The following ZNF320 variants were observed in gnomAD, a reference collection of about 807,000 sequenced individuals.
The protein encoded by ZNF320 is zinc finger gene 320.
ZNF320 carries 2 observed loss-of-function variants against 6.8 expected under a neutral mutation model. The ratio of observed to expected loss-of-function variants is 0.29; its 90% CI spans 0.12 to 0.93. The LOEUF (loss-of-function observed/expected upper bound fraction) is 0.93. ZNF320 is among the 40% of genes least tolerant of loss of function. ZNF320 has a pLI of 0.55. For missense variants in ZNF320, 472 were observed against 611.0 expected (o/e 0.77, Z 2.40); for synonymous variants, 208 against 203.2 (o/e 1.02, Z -0.20).
chr19:52,881,270 A>T lies in ZNF320; in HGVS notation c.856T>A (p.Ser286Thr). Residue 286 changes from serine (S) to threonine (T), a missense_variant, in exon 6 of 6, where the codon TCA becomes ACA. Physicochemically the swap from Ser to Thr is moderately conservative, Grantham distance 58 (BLOSUM62 1). Around this residue, in one of 2 missense-constraint regions of ZNF320, gnomAD observed 462 missense variants for 559.7 expected, o/e 0.83. Coordinates refer to ENST00000682928, the MANE Select transcript of ZNF320 (RefSeq NM_001351774.2). The stretch of plus-strand genomic sequence containing the variant: ...ACTGCCTTATGAATTACGAGGACTG[A>T]ATTTCGAGCGAAGGTCTTGCCACAC... ...NECGKTFARN[S>T]VLVIHKAVHT... The T allele has an allele frequency of 1.2e-6, 2 of 1,614,110 alleles. No individual in the cohort carries two copies. Among genetic ancestry groups the T allele is most frequent in the Non-Finnish European group, 1.7e-6 (2 of 1,180,016 alleles).
At chr19:52,859,581 T>C (rs1452582525), downstream of ZNF320, among the ~76,000 whole-genome samples, 2 of 152,292 alleles carry the variant, frequency 1.3e-5, no homozygotes, top group East Asian at 3.9e-4. Context: ...CGTGTTCCCA[T>C]GTAGAGATGT....
chr19:52,885,132 G>C (rs1013500994), intron 5 of ZNF320, among the ~76,000 whole-genome samples: 2 of 152,110 alleles, frequency 1.3e-5, no homozygotes, highest in African/African-American at 4.8e-5. Context: ...AATTTGGGAA[G>C]TGGAGGTTGC....
In ZNF320 at chr19:52,888,213, T is replaced by C. The variant is rs755364715; in HGVS notation, c.56A>G (p.Gln19Arg). ...AGGGTCCAGGCATTTCCACTCCTCCTGAGAGAATTCTATGGCCACATCCCT... is the reference window on the plus strand; with the variant it reads ...AGGGTCCAGGCATTTCCACTCCTCCCGAGAGAATTCTATGGCCACATCCCT... ...TFRDVAIEFSQEEWKCLDPAQ... is the reference protein window; with the variant it reads ...TFRDVAIEFSREEWKCLDPAQ... The change falls in exon 5 of 6, where the codon CAG becomes CGG. Residue 19 changes from glutamine (Q) to arginine (R), a missense_variant. Physicochemically the swap from Gln to Arg is conservative, Grantham distance 43. Transcript: ENST00000682928. The C allele has an allele frequency of 7.1e-7, 1 of 1,410,922 alleles. No homozygotes were observed. The highest frequency in any genetic ancestry group is 9.6e-7 in the Non-Finnish European group (1 of 1,038,550). 87.4% of individuals were successfully genotyped at this position (1,410,922 alleles called of 1,614,324 possible).
chr19:52,882,091 A>G lies in ZNF320; in HGVS notation c.143-108T>C, dbSNP rs1462663031. 5.2e-6 allele frequency: 6 copies of G among 1,146,976 alleles called. No individual in the cohort carries two copies. In the South Asian group the frequency reaches 9.4e-5, roughly 18 times the overall value. The allele number at this position is 1,146,976 out of a possible 1,614,324, so 71.0% of individuals were successfully genotyped here. ...AAAAATACTTATTTTAAACTTCCCA[A>G]ACATGAGCTTCAAAGTTTAGGAACA... On this transcript the variant is annotated intron_variant, in intron 5 of 5. Coordinates refer to ENST00000682928, the MANE Select transcript of ZNF320 (RefSeq NM_001351774.2).
At chr19:52,898,927 C>T (rs952256580), upstream of ZNF320, among the ~76,000 whole-genome samples, 1 of 152,222 alleles carries the variant, frequency 6.6e-6, no homozygotes, top group African/African-American at 2.4e-5. Flanking sequence ...TTTGGTTTTA[C>T]TTTCTTGTTG....
upstream of ZNF320, among the ~76,000 whole-genome samples, chr19:52,902,377 C>A (rs1354985488): frequency 1.3e-5 from 2 of 152,236 alleles, no homozygotes; most frequent in Non-Finnish European, 2.9e-5. Context: ...ACCTGGTCAA[C>A]TACAGGACCA....
At chr19:52,866,853 T>G (rs2063581692) in intron 5 of ZNF320, among the ~76,000 whole-genome samples, 1 of 136,222 alleles carries the variant, frequency 7.3e-6, no homozygotes, top group Non-Finnish European at 1.5e-5. Flanking sequence ...GTGAGACACC[T>G]GTCTCACAAA....
upstream of ZNF320, among the ~76,000 whole-genome samples, chr19:52,898,163 A>G (rs1432901222): frequency 6.6e-6 from 1 of 152,200 alleles, no homozygotes; most frequent in Admixed American, 6.5e-5. Flanking sequence ...TTTCCTGCTG[A>G]CGGCCCACAG....
downstream of ZNF320, among the ~76,000 whole-genome samples, chr19:52,871,540 C>T (rs566583785): frequency 1.3e-5 from 2 of 152,040 alleles, no homozygotes; most frequent in Non-Finnish European, 2.9e-5. Flanking sequence ...ATTCCAAAAC[C>T]ATCTTGTATA....
At chr19:52,862,057 C>G (rs929541678) in exon 6 of ZNF320, 1 of 362,552 alleles carries the variant, frequency 2.8e-6, no homozygotes, top group Admixed American at 3.7e-5. Context: ...AAGTTATGAA[C>G]GATGTCTGAA....
chr19:52,888,073 A>G (rs1196163460), intron 5 of ZNF320, 54 bp downstream of exon 5: 9 of 1,603,480 alleles, frequency 5.6e-6, no homozygotes, highest in African/African-American at 5.4e-5. Flanking sequence ...AACAAGAGAA[A>G]ATACAAAGAT....
At chr19:52,867,203 T>C (rs1403969960) in intron 5 of ZNF320, among the ~76,000 whole-genome samples, 1 of 152,098 alleles carries the variant, frequency 6.6e-6, no homozygotes, top group Non-Finnish European at 1.5e-5. Flanking sequence ...TATTTATTTA[T>C]GTATTTATTT....
At chr19:52,866,839 C>A (rs1379974801) in intron 5 of ZNF320, among the ~76,000 whole-genome samples, 1 of 130,222 alleles carries the variant, frequency 7.7e-6, no homozygotes, top group Admixed American at 9.8e-5. Flanking sequence ...AGCCTGTTGA[C>A]AGGGTGAGAC....
downstream of ZNF320, among the ~76,000 whole-genome samples, chr19:52,860,266 C>G (rs2063479950): frequency 6.6e-6 from 1 of 152,088 alleles, no homozygotes; most frequent in African/African-American, 2.4e-5. Flanking sequence ...ACCTGCCGGT[C>G]TGCTGACAGT....
At position 52,880,791 on chromosome 19, in the gene ZNF320, A is replaced by G; in HGVS notation, c.1335T>C (p.Asp445=). The change falls in exon 6 of 6, where the codon GAT becomes GAC. Residue 445 remains aspartate (D), a synonymous_variant. Coordinates refer to ENST00000682928, the MANE Select transcript of ZNF320 (RefSeq NM_001351774.2). Reference sequence around the variant, plus strand: ...AAGGTGAATTAAAGGCTTTACCACAATCACCACACTTGTGAGGTTTCTCTC... The same window carrying G: ...AAGGTGAATTAAAGGCTTTACCACAGTCACCACACTTGTGAGGTTTCTCTC... ...HTGEKPHKCG[D]CGKAFNSPSH... is the part of the protein sequence containing the mutation. The G allele has an allele frequency of 6.2e-7, 1 of 1,613,926 alleles. No individual in the cohort carries two copies. The highest frequency in any genetic ancestry group is 8.5e-7 in the Non-Finnish European group (1 of 1,179,842).
chr19:52,892,898 A>C (rs112591593), intron 2 of ZNF320, among the ~76,000 whole-genome samples: 22,839 of 148,260 alleles, frequency 0.15, 1,965 homozygotes, highest in East Asian at 0.26. Context: ...CTCTGATGAG[A>C]CTCCCTCTTT....
chr19:52,903,061 ACTTTT>A, the ZNF320 span, among the ~76,000 whole-genome samples: 3 of 152,196 alleles, frequency 2.0e-5, no homozygotes, highest in African/African-American at 7.2e-5. Context: ...GGTATATTTT[ACTTTT>A]CTTATACACC....
In ZNF320 at chr19:52,881,283, G is replaced by A. The variant is rs778161196; in HGVS notation, c.843C>T (p.Thr281=). The A allele has an allele frequency of 2.5e-6, 4 of 1,613,850 alleles. No homozygotes were observed. The highest frequency in any genetic ancestry group is 2.2e-5 in the East Asian group (1 of 44,846). ...TTACGAGGACTGAATTTCGAGCGAAGGTCTTGCCACACTCATTACATTTGT... is the reference window on the plus strand; with the variant it reads ...TTACGAGGACTGAATTTCGAGCGAAAGTCTTGCCACACTCATTACATTTGT... The part of the protein sequence containing the change: ...KPYKCNECGK[T]FARNSVLVIH... The change falls in exon 6 of 6, where the codon ACC becomes ACT. Residue 281 remains threonine, a synonymous_variant. Coordinates refer to ENST00000682928, the MANE Select transcript of ZNF320 (RefSeq NM_001351774.2).
rs180872685 is a variant in ZNF320, at chr19:52,881,064, C to T, written c.1062G>A (p.Glu354=). Residue 354 remains glutamate (E), a synonymous_variant, in exon 6 of 6, where the codon GAG becomes GAA. Coordinates refer to ENST00000682928, the MANE Select transcript of ZNF320 (RefSeq NM_001351774.2). ...LERHRRIHTG[E]KPYKCKVCDK... ...CACAAACCTTACATTTGTATGGTTT[C>T]TCTCCAGTATGAATCCTCCTATGTC... The T allele has an allele frequency of 1.4e-4, 221 of 1,614,180 alleles. 1 individual carries two copies. The East Asian group carries it at 4.8e-3, about 35-fold the overall frequency.
Sources: gnomAD v4.1 joint callset for allele counts (sites outside exome capture counted in the v4.1 genomes callset) on GRCh38, gnomAD v4.1.1 for gene constraint, gnomAD v4.1.1 regional missense constraint, MANE v1.5 for transcripts, NCBI Gene and HGNC (gene_info 2026-07-23, HGNC 2026-07-21) for gene names.